The following COLEC10 variants were observed in gnomAD, a reference collection of about 807,000 sequenced individuals.
The protein encoded by COLEC10 is collectin subfamily member 10.
A neutral mutation model predicts 28.4 loss-of-function variants in COLEC10; 22 were observed. That is an observed-to-expected ratio of 0.78 (90% confidence interval 0.55 to 1.11). The LOEUF (loss-of-function observed/expected upper bound fraction) is 1.11, where lower values mean the gene tolerates loss of function less well. Among genes scored for constraint, COLEC10 ranks in the 50% least tolerant of loss-of-function variants. The pLI, the probability that COLEC10 is intolerant of heterozygous loss-of-function variation, is 0.00. For synonymous variants in COLEC10, 125 were observed against 116.1 expected, an observed-to-expected ratio of 1.08 and a Z score of -0.49; for missense variants, 361 against 344.1, an observed-to-expected ratio of 1.05 and a Z score of -0.39.
rs988575397 is a variant in COLEC10 at position 119,013,527 on chromosome 8, C to T, written n.235+3974C>T. 8.0e-5 allele frequency among the ~76,000 whole-genome samples: 12 copies of T among 150,758 alleles called. 1 individual carries two copies. Among genetic ancestry groups the T allele is most frequent in the African/African-American group, 3.0e-4 (12 of 40,356 alleles). ...CAACTCAATGTCCTTATACTATATCCTTACTGATTTTCTGCTTCCTTTATC... is the reference window on the plus strand; with the variant it reads ...CAACTCAATGTCCTTATACTATATCTTTACTGATTTTCTGCTTCCTTTATC... On this transcript the variant is annotated intron_variant and non_coding_transcript_variant, in intron 2 of 6. Coordinates refer to the COLEC10 transcript ENST00000521788.
chr8:118,990,845 C>G (rs1403702751), upstream of COLEC10, among the ~76,000 whole-genome samples: 1 of 151,534 alleles, frequency 6.6e-6, no homozygotes, highest in Non-Finnish European at 1.5e-5. Context: ...AGTCCCAGAG[C>G]TAATGGGAAA....
the COLEC10 span, among the ~76,000 whole-genome samples, chr8:118,981,157 G>T: frequency 5.3e-5 from 8 of 151,746 alleles, no homozygotes; most frequent in Non-Finnish European, 7.4e-5. Flanking sequence ...TGTGGGTTCC[G>T]CCTCAAAGTG....
the COLEC10 span, among the ~76,000 whole-genome samples, chr8:118,969,678 CTTGT>C: frequency 1.3e-5 from 2 of 150,984 alleles, no homozygotes; most frequent in African/African-American, 2.4e-5. Context: ...GGATAATTGG[CTTGT>C]TTCTTTCTTT....
intron 1 of COLEC10, among the ~76,000 whole-genome samples, chr8:119,076,512 C>T (rs577202310): frequency 6.6e-6 from 1 of 152,308 alleles, no homozygotes; most frequent in East Asian, 1.9e-4. Flanking sequence ...ATCCACCCGC[C>T]TAGGCCTCCC....
intron 3 of COLEC10, 32 bp from the exon 4 acceptor site, chr8:119,102,316 A>C (rs373969673): frequency 8.6e-7 from 1 of 1,158,360 alleles, no homozygotes; most frequent in South Asian, 1.8e-5. Flanking sequence ...TTTTAATTTT[A>C]TTTTATTTTG....
chr8:119,052,665 G>A (rs978282724), intron 2 of COLEC10, among the ~76,000 whole-genome samples: 2 of 152,036 alleles, frequency 1.3e-5, no homozygotes, highest in Non-Finnish European at 2.9e-5. Flanking sequence ...AAGCAAGCCC[G>A]CCCTCTCCCA....
At chr8:119,031,920 T>C (rs115332368) in intron 2 of COLEC10, among the ~76,000 whole-genome samples, 6,684 of 152,208 alleles carry the variant, frequency 0.044, 213 homozygotes, top group East Asian at 0.16. Context: ...GTAACTAAAA[T>C]TAATTTGGTA....
intron 2 of COLEC10, among the ~76,000 whole-genome samples, chr8:119,043,054 A>G (rs1456637240): frequency 6.6e-6 from 1 of 152,222 alleles, no homozygotes; most frequent in Non-Finnish European, 1.5e-5. Context: ...AGTTCAAACA[A>G]GCAATATGGA....
At chr8:118,979,200 A>G in the COLEC10 span, among the ~76,000 whole-genome samples, 1 of 152,042 alleles carries the variant, frequency 6.6e-6, no homozygotes, top group South Asian at 2.1e-4. Context: ...TTTTTTCCAA[A>G]TGGTTATTTT....
At chr8:118,971,560 G>A in the COLEC10 span, among the ~76,000 whole-genome samples, 2 of 151,962 alleles carry the variant, frequency 1.3e-5, no homozygotes, top group African/African-American at 4.8e-5. Flanking sequence ...GGTAGGTAAT[G>A]GCTGTTTATA....
chr8:119,071,170 A>G (rs997069702), intron 1 of COLEC10, among the ~76,000 whole-genome samples: 1 of 152,224 alleles, frequency 6.6e-6, no homozygotes, highest in African/African-American at 2.4e-5. Context: ...ACAGCCCGGC[A>G]TTGTCTTGGG....
intron 2 of COLEC10, among the ~76,000 whole-genome samples, chr8:119,056,641 A>G (rs1173519084): frequency 2.6e-5 from 4 of 151,994 alleles, no homozygotes; most frequent in African/African-American, 9.7e-5. Context: ...AAACAAACAA[A>G]ACAAAACACC....
intron 2 of COLEC10, among the ~76,000 whole-genome samples, chr8:119,023,401 G>C (rs1008236975): frequency 6.6e-6 from 1 of 152,196 alleles, no homozygotes; most frequent in Middle Eastern, 3.4e-3. Context: ...AATTTCAAGA[G>C]AAACTTTAGA....
the COLEC10 span, among the ~76,000 whole-genome samples, chr8:118,972,233 C>T: frequency 1.3e-5 from 2 of 151,918 alleles, no homozygotes; most frequent in African/African-American, 4.8e-5. Flanking sequence ...ACTTCATTTC[C>T]ACCAGCCCAG....
At chr8:118,981,801 G>A in the COLEC10 span, among the ~76,000 whole-genome samples, 1 of 152,070 alleles carries the variant, frequency 6.6e-6, no homozygotes, top group African/African-American at 2.4e-5. Context: ...AGGCCCAGGT[G>A]ATGGGATAAG....
intron 1 of COLEC10, among the ~76,000 whole-genome samples, chr8:118,995,753 C>T (rs1004188811): frequency 6.6e-6 from 1 of 152,024 alleles, no homozygotes; most frequent in Non-Finnish European, 1.5e-5. Flanking sequence ...TTTCATATTG[C>T]TATGTAATGC....
chr8:118,991,159 C>T (rs1813500416), upstream of COLEC10, among the ~76,000 whole-genome samples: 1 of 152,058 alleles, frequency 6.6e-6, no homozygotes, highest in Admixed American at 6.6e-5. Context: ...TGGAATTTCA[C>T]ATATATCATT....
At chr8:118,960,348 G>A in the COLEC10 span, among the ~76,000 whole-genome samples, 3 of 152,148 alleles carry the variant, frequency 2.0e-5, no homozygotes, top group Non-Finnish European at 4.4e-5. Flanking sequence ...AGATTATTGA[G>A]CATGATCAGA....
In COLEC10 at chr8:119,029,107, G is replaced by A. The variant is rs377617392; in HGVS notation, n.235+19554G>A. 2.4e-4 allele frequency among the ~76,000 whole-genome samples: 36 copies of A among 152,218 alleles called. No homozygotes were observed. The East Asian group carries it at 6.0e-3, about 25-fold the overall frequency. ...GTAACAGGGGCACCTCACTAGCTGCGGGGAGTCATGCCACAGTGGTTCAGA... is the reference window on the plus strand; with the variant it reads ...GTAACAGGGGCACCTCACTAGCTGCAGGGAGTCATGCCACAGTGGTTCAGA... On this transcript the variant is annotated intron_variant and non_coding_transcript_variant, in intron 2 of 6. Transcript: ENST00000521788.
Sources: allele counts gnomAD v4.1 joint callset (sites outside exome capture counted in the v4.1 genomes callset), GRCh38; gene constraint gnomAD v4.1.1; transcripts MANE v1.5; gene names NCBI Gene and HGNC (gene_info 2026-07-23, HGNC 2026-07-21).